The following GLIS3 variants were observed in gnomAD, a reference collection of about 807,000 sequenced individuals.
GLIS3 encodes zinc finger protein GLIS3.
GLIS3 carries 53 observed loss-of-function variants against 78.6 expected under a neutral mutation model. The observed-to-expected ratio is 0.67, with a 90% confidence interval of 0.54 to 0.85. The LOEUF is 0.85. Among genes scored for constraint, GLIS3 ranks in the 40% least tolerant of loss-of-function variants. GLIS3 has a pLI of 0.00. For missense variants in GLIS3, 1,703 were observed against 1,231.1 expected, an observed-to-expected ratio of 1.38 and a Z score of -5.74; for synonymous variants, 684 against 509.9, an observed-to-expected ratio of 1.34 and a Z score of -4.60.
At chr9:4,142,769 A>G (rs961159059) in intron 2 of GLIS3, among the ~76,000 whole-genome samples, 9 of 152,230 alleles carry the variant, frequency 5.9e-5, no homozygotes, top group Non-Finnish European at 1.5e-5. Context: ...ATTAATCTCA[A>G]CAAGCTCATA....
rs1397363606 is a variant in GLIS3, at chr9:4,163,844, T to C, written c.389-37903A>G. 2.0e-5 allele frequency among the ~76,000 whole-genome samples: 3 copies of C among 152,226 alleles called. No individual in the cohort carries two copies. In the East Asian group the frequency reaches 5.8e-4, roughly 29 times the overall value. On this transcript the variant is annotated intron_variant, in intron 2 of 10. Transcript: ENST00000381971. Reference sequence around the variant, plus strand: ...TGGTTTTGTTGTGCTTATTACACTATTATTACTGTTAATAATAATAACAAC... The same window carrying C: ...TGGTTTTGTTGTGCTTATTACACTACTATTACTGTTAATAATAATAACAAC...
the GLIS3 span, among the ~76,000 whole-genome samples, chr9:4,472,233 T>C: frequency 2.6e-5 from 4 of 152,142 alleles, no homozygotes; most frequent in Non-Finnish European, 5.9e-5. Context: ...GAAATACCAT[T>C]TGACCCAGCC....
chr9:3,941,105 T>TA (rs1815870946), intron 4 of GLIS3, among the ~76,000 whole-genome samples: 1 of 152,218 alleles, frequency 6.6e-6, no homozygotes, highest in Admixed American at 6.5e-5. Context: ...TGAACACTAC[T>TA]ACAGTGTGAG....
the GLIS3 span, among the ~76,000 whole-genome samples, chr9:4,474,431 C>T: frequency 1.3e-5 from 2 of 152,048 alleles, no homozygotes; most frequent in African/African-American, 4.8e-5. Context: ...TATACATATG[C>T]CAAAGTCATG....
At chr9:3,966,188 T>C (rs986189215) in intron 4 of GLIS3, among the ~76,000 whole-genome samples, 2 of 152,202 alleles carry the variant, frequency 1.3e-5, no homozygotes, top group Non-Finnish European at 2.9e-5. Context: ...GCCTGGCACA[T>C]ACTGAATGCT....
At chr9:4,310,298 T>C (rs1374050893) in intron 3 of GLIS3, 1 of 152,136 alleles carries the variant, frequency 6.6e-6, no homozygotes, top group Non-Finnish European at 1.5e-5. Flanking sequence ...GTAAATGAAA[T>C]TATTAGGTAT....
At chr9:4,159,483 C>A (rs1481512406) in intron 2 of GLIS3, among the ~76,000 whole-genome samples, 1 of 152,130 alleles carries the variant, frequency 6.6e-6, no homozygotes, top group Non-Finnish European at 1.5e-5. Flanking sequence ...CTTTAGGAGC[C>A]CGAGGCAGGT....
intron 1 of GLIS3, among the ~76,000 whole-genome samples, chr9:4,296,130 ACT>A (rs1463928208): frequency 3.3e-5 from 5 of 152,114 alleles, no homozygotes; most frequent in Non-Finnish European, 7.4e-5. Flanking sequence ...ATGTGACGCC[ACT>A]CTGAGTTATC....
At chr9:4,192,805 AT>A (rs1238177347) in intron 2 of GLIS3, among the ~76,000 whole-genome samples, 5 of 78,508 alleles carry the variant, frequency 6.4e-5, no homozygotes, top group African/African-American at 1.1e-4. Flanking sequence ...CTAATACAAT[AT>A]TTAAAAAAAA....
chr9:4,107,011 C>G (rs1157168273), intron 4 of GLIS3, among the ~76,000 whole-genome samples: 1 of 150,486 alleles, frequency 6.6e-6, no homozygotes, highest in African/African-American at 2.4e-5. Flanking sequence ...CTTGGAGAGT[C>G]AATAAGAAAA....
chr9:4,199,326 T>G (rs189747409), intron 2 of GLIS3, among the ~76,000 whole-genome samples: 2 of 152,196 alleles, frequency 1.3e-5, no homozygotes, highest in East Asian at 1.9e-4. Context: ...CCACCTCACA[T>G]GTAATGACAA....
chr9:4,428,347 C>T, the GLIS3 span, among the ~76,000 whole-genome samples: 12 of 151,916 alleles, frequency 7.9e-5, no homozygotes, highest in South Asian at 1.0e-3. Context: ...GGCTTGGTGG[C>T]ATGCACCTGT....
At chr9:4,484,642 C>T in the GLIS3 span, among the ~76,000 whole-genome samples, 6 of 151,970 alleles carry the variant, frequency 3.9e-5, no homozygotes, top group African/African-American at 9.7e-5. Context: ...GGCTCGAACT[C>T]CCGACCTCAG....
the GLIS3 span, among the ~76,000 whole-genome samples, chr9:4,485,434 G>T: frequency 6.6e-6 from 1 of 152,074 alleles, no homozygotes; most frequent in Admixed American, 6.6e-5. Context: ...TCTGCATAAG[G>T]ACCACTTTCC....
the GLIS3 span, among the ~76,000 whole-genome samples, chr9:4,446,504 A>ATTTTTTTTTTTTTTTTTTTTTTTTTTT: frequency 8.1e-6 from 1 of 124,146 alleles, no homozygotes. Flanking sequence ...AAATATCCAA[A>ATTTTTTTTTTTTTTTTTTTTTTTTTTT]TTTTTTTTTT....
chr9:4,034,309 A>C (rs1824128310), intron 4 of GLIS3, among the ~76,000 whole-genome samples: 1 of 152,194 alleles, frequency 6.6e-6, no homozygotes, highest in African/African-American at 2.4e-5. Flanking sequence ...ACAGAAAAAA[A>C]AGTCTGTTTC....
At chr9:4,334,381 T>C (rs1162532283) in intron 2 of GLIS3, among the ~76,000 whole-genome samples, 1 of 152,158 alleles carries the variant, frequency 6.6e-6, no homozygotes, top group East Asian at 1.9e-4. Context: ...ACAGAAAAGG[T>C]TGGCTGTCAA....
rs375127500 is a variant in GLIS3 at position 4,132,993 on chromosome 9, C to T, written c.389-7052G>A. Among the ~76,000 whole-genome samples the T allele has an allele frequency of 3.0e-4, 46 of 152,240 alleles. No individual in the cohort carries two copies. The South Asian group carries it at 9.6e-3, about 32-fold the overall frequency. ...GAGGATTAAAAGGGTTAGTAAATAT[C>T]AATATATGCCTCACTGCCTCTAAGC... is the stretch of plus-strand genomic sequence containing the variant. On this transcript the variant is annotated intron_variant, in intron 2 of 10. Coordinates refer to ENST00000381971, the MANE Select transcript of GLIS3 (RefSeq NM_001042413.2).
chr9:3,870,616 C>A (rs1820911219), intron 8 of GLIS3, among the ~76,000 whole-genome samples: 1 of 152,182 alleles, frequency 6.6e-6, no homozygotes, highest in Non-Finnish European at 1.5e-5. Flanking sequence ...GACGCAAAAG[C>A]AGAACCCCCT....
Sources: gnomAD v4.1 joint callset for allele counts (sites outside exome capture counted in the v4.1 genomes callset) on GRCh38, gnomAD v4.1.1 for gene constraint, MANE v1.5 for transcripts, NCBI Gene and HGNC (gene_info 2026-07-23, HGNC 2026-07-21) for gene names.